MCOLN2: variants seen among roughly 807,000 people sequenced by gnomAD.
MCOLN2 encodes the protein mucolipin-2.
In MCOLN2, 57 loss-of-function variants were observed where a neutral mutation model predicts 67.5. The ratio of observed to expected loss-of-function variants is 0.84; its 90% CI spans 0.68 to 1.05. The LOEUF (loss-of-function observed/expected upper bound fraction) is 1.05. MCOLN2 is among the 50% of genes least tolerant of loss of function. The pLI, the probability that MCOLN2 is intolerant of heterozygous loss-of-function variation, is 0.00. For missense variants in MCOLN2, 620 were observed against 678.8 expected, an observed-to-expected ratio of 0.91 and a Z score of 0.96; for synonymous variants, 246 against 233.3, an observed-to-expected ratio of 1.05 and a Z score of -0.50.
intron 1 of MCOLN2, among the ~76,000 whole-genome samples, chr1:84,980,305 G>GAA (rs35944956): frequency 3.2e-4 from 48 of 152,120 alleles, no homozygotes; most frequent in African/African-American, 8.9e-4. Flanking sequence ...CATAGAAATA[G>GAA]AAAAAAACCC....
At chr1:84,955,555 T>C (rs1648739804) in intron 4 of MCOLN2, among the ~76,000 whole-genome samples, 1 of 152,182 alleles carries the variant, frequency 6.6e-6, no homozygotes, top group African/African-American at 2.4e-5. Context: ...GGCTAGTTTC[T>C]ATAAGGACTT....
chr1:84,981,428 G>C (rs1190815850), intron 1 of MCOLN2, among the ~76,000 whole-genome samples: 2 of 152,130 alleles, frequency 1.3e-5, no homozygotes, highest in Non-Finnish European at 2.9e-5. Context: ...GCAGAAGAAT[G>C]GATAAAGAAA....
intron 1 of MCOLN2, among the ~76,000 whole-genome samples, chr1:84,974,926 T>C (rs1649920735): frequency 6.6e-6 from 1 of 152,158 alleles, no homozygotes; most frequent in African/African-American, 2.4e-5. Context: ...CTGGTGGTGA[T>C]GACCATGGGG....
At chr1:84,946,560 A>G (rs1648122661) in intron 7 of MCOLN2, among the ~76,000 whole-genome samples, 1 of 152,234 alleles carries the variant, frequency 6.6e-6, no homozygotes, top group East Asian at 1.9e-4. Flanking sequence ...TCCGAAATCC[A>G]AAAATTCAGA....
chr1:84,931,329 ATTTT>A, intron 12 of MCOLN2, 29 bp downstream of exon 12: 1 of 1,252,892 alleles, frequency 8.0e-7, no homozygotes, highest in Non-Finnish European at 1.2e-6. Flanking sequence ...ATTTGCAGTG[ATTTT>A]TTGGCAGCAA....
intron 6 of MCOLN2, among the ~76,000 whole-genome samples, chr1:84,951,139 C>T (rs148192398): frequency 2.0e-5 from 3 of 152,172 alleles, no homozygotes; most frequent in African/African-American, 7.2e-5. Context: ...ATATCACAAC[C>T]TGTAGTTACT....
chr1:84,970,022 T>C (rs981551247), intron 1 of MCOLN2, among the ~76,000 whole-genome samples: 8 of 152,134 alleles, frequency 5.3e-5, no homozygotes, highest in African/African-American at 1.4e-4. Context: ...GAGAGCAACA[T>C]CCTCAAACAT....
chr1:84,971,857 T>G lies in MCOLN2; in HGVS notation c.78-6149A>C, dbSNP rs1197617113. 9.9e-5 allele frequency: 15 copies of G among 151,068 alleles called. No individual in the cohort carries two copies. In the East Asian group the frequency reaches 2.5e-3, roughly 25 times the overall value. The allele number at this position is 151,068 out of a possible 1,614,324, so 9.4% of individuals were successfully genotyped here. A position where few individuals can be genotyped will look rare whatever the true frequency, so the allele number is the denominator to read the frequency against. On this transcript the variant is annotated intron_variant, in intron 1 of 13. Transcript: ENST00000370608. ...CAGGCAGATCACTTGAGGACAGGAG[T>G]TCAAGACCAGCCTGGCCAACACGGC...
Position 84,986,167 on chromosome 1 carries a change from A to G in MCOLN2, c.77+10629T>C, listed in dbSNP as rs1286302757. On this transcript the variant is annotated intron_variant, in intron 1 of 13. Coordinates refer to ENST00000370608, the MANE Select transcript of MCOLN2 (RefSeq NM_153259.4). ...ACTTACAGCCAACTAATCTTCGACA[A>G]AGCAAACAAAACCATAAAGTGGGGA... is the stretch of plus-strand genomic sequence containing the variant. Among the ~76,000 whole-genome samples the G allele has an allele frequency of 3.3e-5, 5 of 152,240 alleles. No individual in the cohort carries two copies. The East Asian group carries it at 9.6e-4, about 29-fold the overall frequency.
chr1:84,934,005 T>C (rs1316903996), intron 11 of MCOLN2, among the ~76,000 whole-genome samples: 1 of 152,188 alleles, frequency 6.6e-6, no homozygotes, highest in Admixed American at 6.5e-5. Context: ...AGTGGCCAAA[T>C]TCCATAGTAG....
At chr1:84,959,658 A>G (rs955656358) in intron 2 of MCOLN2, among the ~76,000 whole-genome samples, 3 of 152,110 alleles carry the variant, frequency 2.0e-5, no homozygotes, top group African/African-American at 7.2e-5. Flanking sequence ...GCCCTGTCCC[A>G]CACACCTTTC....
chr1:84,942,822 G>A (rs1326616558), intron 7 of MCOLN2, among the ~76,000 whole-genome samples: 1 of 151,994 alleles, frequency 6.6e-6, no homozygotes, highest in Non-Finnish European at 1.5e-5. Context: ...TTTAAGAAGA[G>A]GAAGAGAGAC....
rs1477821349 is a variant in MCOLN2 at position 84,992,090 on chromosome 1, G to A, written c.77+4706C>T. On this transcript the variant is annotated intron_variant, in intron 1 of 13. Transcript: ENST00000370608. ...TTGGACAAGCCCAACTCAGTTTCAT[G>A]TTGGTGAATCCCTACATTCTAGCTA... Among the ~76,000 whole-genome samples the A allele has an allele frequency of 4.6e-5, 7 of 152,298 alleles. No individual in the cohort carries two copies. In the East Asian group the frequency reaches 1.3e-3, roughly 29 times the overall value.
chr1:84,983,860 A>G (rs1650378705), intron 1 of MCOLN2, among the ~76,000 whole-genome samples: 1 of 151,816 alleles, frequency 6.6e-6, no homozygotes, highest in Non-Finnish European at 1.5e-5. Flanking sequence ...TATTTTTAGT[A>G]GAGACAGGGT....
chr1:84,995,531 C>CACT, intron 1 of MCOLN2, among the ~76,000 whole-genome samples: 1 of 152,152 alleles, frequency 6.6e-6, no homozygotes, highest in East Asian at 1.9e-4. Flanking sequence ...CAGGAAAGTC[C>CACT]ACTTTTACTT....
At chr1:84,946,774 G>A (rs1648135531) in intron 7 of MCOLN2, among the ~76,000 whole-genome samples, 1 of 152,120 alleles carries the variant, frequency 6.6e-6, no homozygotes. Context: ...AACAGAACTG[G>A]GACCGAAACC....
intron 1 of MCOLN2, among the ~76,000 whole-genome samples, chr1:84,982,461 CATCT>C (rs1464449836): frequency 6.6e-6 from 1 of 152,184 alleles, no homozygotes; most frequent in Non-Finnish European, 1.5e-5. Flanking sequence ...TTAATATCCT[CATCT>C]ATCCCATGCC....
At chr1:84,988,984 C>T (rs546505821) in intron 1 of MCOLN2, among the ~76,000 whole-genome samples, 1 of 152,266 alleles carries the variant, frequency 6.6e-6, no homozygotes, top group Non-Finnish European at 1.5e-5. Context: ...AATGACACCT[C>T]GGTAGAGAGG....
intron 1 of MCOLN2, among the ~76,000 whole-genome samples, chr1:84,996,250 C>T (rs369955419): frequency 6.6e-5 from 10 of 152,140 alleles, no homozygotes; most frequent in African/African-American, 2.4e-4. Context: ...TCAGAGTCTA[C>T]ATCCTGACAC....
Sources: allele counts gnomAD v4.1 joint callset (sites outside exome capture counted in the v4.1 genomes callset), GRCh38; gene constraint gnomAD v4.1.1; transcripts MANE v1.5; gene names NCBI Gene and HGNC (gene_info 2026-07-23, HGNC 2026-07-21).